The following LRRC4C variants were observed in gnomAD, a reference collection of about 807,000 sequenced individuals.
LRRC4C encodes the protein leucine rich repeat containing 4C.
A neutral mutation model predicts 33.6 loss-of-function variants in LRRC4C; 5 were observed. The ratio of observed to expected loss-of-function variants is 0.15; its 90% CI spans 0.08 to 0.31. The LOEUF is 0.31. Among genes scored for constraint, LRRC4C ranks in the 10% least tolerant of loss-of-function variants. The pLI is 1.00. For synonymous variants in LRRC4C, 329 were observed against 302.0 expected (o/e 1.09, Z -0.93); for missense variants, 560 against 796.7 (o/e 0.70, Z 3.58).
At chr11:40,359,565 T>C (rs1052803412) in intron 3 of LRRC4C, among the ~76,000 whole-genome samples, 3 of 152,184 alleles carry the variant, frequency 2.0e-5, no homozygotes, top group Admixed American at 6.5e-5. Flanking sequence ...GACTATACTA[T>C]CTAAGGATCC....
chr11:40,596,584 C>T (rs1423614445), intron 3 of LRRC4C, among the ~76,000 whole-genome samples: 1 of 151,866 alleles, frequency 6.6e-6, no homozygotes, highest in Non-Finnish European at 1.5e-5. Context: ...ACGCTTCAAC[C>T]ATCCCCACTT....
chr11:40,604,270 ATCTTC>A (rs141264741), intron 3 of LRRC4C, among the ~76,000 whole-genome samples: 63 of 152,228 alleles, frequency 4.1e-4, no homozygotes, highest in Non-Finnish European at 7.2e-4. Flanking sequence ...AATTCCTCCT[ATCTTC>A]TCTTCTCTAA....
At chr11:40,121,794 G>A (rs11035695) in intron 6 of LRRC4C, among the ~76,000 whole-genome samples, 9,601 of 152,202 alleles carry the variant, frequency 0.063, 423 homozygotes, top group Non-Finnish European at 0.09. Context: ...TTGTCTAAAC[G>A]TTAGAACTAG....
At chr11:40,134,243 C>G (rs945931286) in intron 6 of LRRC4C, among the ~76,000 whole-genome samples, 2 of 152,066 alleles carry the variant, frequency 1.3e-5, no homozygotes, top group African/African-American at 4.8e-5. Context: ...TAATCATCAT[C>G]ATCAAGAAAA....
chr11:40,884,160 C>A (rs1018719769), intron 2 of LRRC4C, among the ~76,000 whole-genome samples: 11 of 151,946 alleles, frequency 7.2e-5, no homozygotes, highest in African/African-American at 2.4e-4. Context: ...TGAGAACATA[C>A]AATTTTGGTT....
intron 3 of LRRC4C, among the ~76,000 whole-genome samples, chr11:40,493,740 C>G (rs1400159471): frequency 6.6e-6 from 1 of 152,100 alleles, no homozygotes; most frequent in Non-Finnish European, 1.5e-5. Context: ...AAATTTGGAG[C>G]CTAATCCTCA....
At chr11:40,681,430 T>C (rs1944679376) in intron 2 of LRRC4C, among the ~76,000 whole-genome samples, 1 of 152,218 alleles carries the variant, frequency 6.6e-6, no homozygotes, top group Admixed American at 6.5e-5. Context: ...GTACAGTGAA[T>C]GGCAAATGTA....
rs138726744 is a variant in LRRC4C, at chr11:41,404,535, G to GACAC, written c.-496+54892_-496+54895dup. Among the ~76,000 whole-genome samples, 39 of 37,332 alleles carry GACAC rather than the reference G, an allele frequency of 1.0e-3. 2 individuals carry two copies. In the South Asian group the frequency reaches 0.014, roughly 14 times the overall value. The allele number at this position is 37,332 out of a possible 152,430, so 24.5% of individuals were successfully genotyped here. A position where few individuals can be genotyped will look rare whatever the true frequency, so the allele number is the denominator to read the frequency against. ...ACACACACAGACACAAAGACACACA[G>GACAC]ACACACACACACACACACACACACA... is the stretch of plus-strand genomic sequence containing the variant. On this transcript the variant is annotated intron_variant, in intron 1 of 6. Coordinates refer to ENST00000528697, the MANE Select transcript of LRRC4C (RefSeq NM_001258419.2).
chr11:40,702,033 T>C lies in LRRC4C; in HGVS notation c.-406-53755A>G, dbSNP rs902550560. On this transcript the variant is annotated intron_variant, in intron 2 of 6. Coordinates refer to ENST00000528697, the MANE Select transcript of LRRC4C (RefSeq NM_001258419.2). ...AAATATTTTAAAAAAATTTATTCCA[T>C]TTCAATAGTCATACATAAAATTATT... Among the ~76,000 whole-genome samples the C allele has an allele frequency of 3.3e-5, 5 of 152,032 alleles. No individual in the cohort carries two copies. In the East Asian group the frequency reaches 7.7e-4, roughly 23 times the overall value.
intron 1 of LRRC4C, among the ~76,000 whole-genome samples, chr11:41,440,610 G>A (rs1294206103): frequency 6.6e-6 from 1 of 152,096 alleles, no homozygotes; most frequent in Non-Finnish European, 1.5e-5. Flanking sequence ...CTATTGGACT[G>A]ATATGGTTTG....
At position 40,491,985 on chromosome 11, in the gene LRRC4C, A is replaced by G. The variant is rs866100145; in HGVS notation, c.-270+156157T>C. Among the ~76,000 whole-genome samples, 7 of 152,238 alleles carry G rather than the reference A, an allele frequency of 4.6e-5. 1 individual carries two copies. In the Middle Eastern group the frequency reaches 0.01, roughly 222 times the overall value. ...CTTGGTTTAATATTACCCAAAGGAG[A>G]TAGCTTTATATTTTGAATTGACACA... On this transcript the variant is annotated intron_variant, in intron 3 of 6. Coordinates refer to ENST00000528697, the MANE Select transcript of LRRC4C (RefSeq NM_001258419.2).
chr11:40,355,733 C>G (rs1340099527), intron 3 of LRRC4C, among the ~76,000 whole-genome samples: 1 of 152,228 alleles, frequency 6.6e-6, no homozygotes, highest in South Asian at 2.1e-4. Context: ...ACTTTCTTTC[C>G]TACTCTCCTC....
chr11:40,476,336 T>A (rs1482909807), intron 3 of LRRC4C, among the ~76,000 whole-genome samples: 1 of 111,948 alleles, frequency 8.9e-6, no homozygotes, highest in Non-Finnish European at 1.9e-5. Context: ...GCACATTTTT[T>A]TTCTTCTTTT....
intron 3 of LRRC4C, among the ~76,000 whole-genome samples, chr11:40,509,692 A>G (rs1955215395): frequency 1.3e-5 from 2 of 152,252 alleles, no homozygotes; most frequent in South Asian, 4.1e-4. Context: ...TTTATAAAAA[A>G]GGGAGATATT....
intron 5 of LRRC4C, among the ~76,000 whole-genome samples, chr11:40,161,560 C>T (rs1008620258): frequency 6.6e-6 from 1 of 152,114 alleles, no homozygotes; most frequent in Non-Finnish European, 1.5e-5. Flanking sequence ...TCAAGACCAG[C>T]CTGGGCAACA....
chr11:41,439,968 C>A (rs978304321), intron 1 of LRRC4C, among the ~76,000 whole-genome samples: 1 of 152,080 alleles, frequency 6.6e-6, no homozygotes, highest in African/African-American at 2.4e-5. Flanking sequence ...TCTGTTATTT[C>A]TTTTCCTGTG....
At chr11:40,590,599 C>T (rs920159649) in intron 3 of LRRC4C, among the ~76,000 whole-genome samples, 1 of 152,052 alleles carries the variant, frequency 6.6e-6, no homozygotes, top group African/African-American at 2.4e-5. Flanking sequence ...TTTTCCCCAT[C>T]TTTGTGGTTT....
At chr11:40,552,495 C>A (rs1322724873) in intron 3 of LRRC4C, among the ~76,000 whole-genome samples, 2 of 152,164 alleles carry the variant, frequency 1.3e-5, no homozygotes, top group Non-Finnish European at 2.9e-5. Context: ...AGGAACCCCC[C>A]ACAATGTAGG....
intron 1 of LRRC4C, among the ~76,000 whole-genome samples, chr11:41,329,829 T>C (rs752879423): frequency 6.6e-6 from 1 of 152,178 alleles, no homozygotes; most frequent in Non-Finnish European, 1.5e-5. Flanking sequence ...AGTTTCACAG[T>C]GCGTGGACAA....
Sources: gnomAD v4.1 joint callset for allele counts (sites outside exome capture counted in the v4.1 genomes callset) on GRCh38, gnomAD v4.1.1 for gene constraint, MANE v1.5 for transcripts, NCBI Gene and HGNC (gene_info 2026-07-23, HGNC 2026-07-21) for gene names.